CDH8: variants seen among roughly 807,000 people sequenced by gnomAD.
The protein encoded by CDH8 is cadherin 8.
In CDH8, 17 loss-of-function variants were observed where a neutral mutation model predicts 68.1. The observed-to-expected ratio is 0.25, with a 90% confidence interval of 0.17 to 0.37. The LOEUF (loss-of-function observed/expected upper bound fraction) is 0.37. CDH8 is among the 10% of genes least tolerant of loss of function. The probability of loss-of-function intolerance (pLI) is 1.00; values close to 1 mark genes in which losing one functional copy is unlikely to be tolerated. For synonymous variants in CDH8, 372 were observed against 365.1 expected (o/e 1.02, Z -0.21); for missense variants, 763 against 999.3 (o/e 0.76, Z 3.19).
intron 2 of CDH8, among the ~76,000 whole-genome samples, chr16:61,929,688 A>T (rs1362845573): frequency 6.6e-6 from 1 of 152,136 alleles, no homozygotes; most frequent in African/African-American, 2.4e-5. Flanking sequence ...GGAGTTGGAG[A>T]CCAGCCTGGG....
At chr16:61,854,686 A>T (rs1963008907) in intron 4 of CDH8, among the ~76,000 whole-genome samples, 1 of 152,142 alleles carries the variant, frequency 6.6e-6, no homozygotes, top group Admixed American at 6.6e-5. Flanking sequence ...TTTAAAATCT[A>T]AATGTTCAAG....
intron 2 of CDH8, among the ~76,000 whole-genome samples, chr16:61,942,131 A>AT (rs779857344): frequency 1.6e-4 from 24 of 151,940 alleles, no homozygotes; most frequent in Admixed American, 6.6e-5. Context: ...GATCATTTTG[A>AT]TTTTTTTTAA....
chr16:61,771,902 C>T (rs1186911131), intron 8 of CDH8, among the ~76,000 whole-genome samples: 1 of 151,830 alleles, frequency 6.6e-6, no homozygotes, highest in Non-Finnish European at 1.5e-5. Flanking sequence ...AAGTTTTTTC[C>T]TCCATACTTG....
chr16:61,724,579 T>C (rs1310599108), intron 9 of CDH8, among the ~76,000 whole-genome samples: 1 of 150,718 alleles, frequency 6.6e-6, no homozygotes, highest in African/African-American at 2.4e-5. Context: ...AGTTTAGCCT[T>C]AAATCCACAC....
chr16:61,942,270 A>T (rs1011260338), intron 2 of CDH8, among the ~76,000 whole-genome samples: 2 of 152,112 alleles, frequency 1.3e-5, no homozygotes, highest in African/African-American at 4.8e-5. Context: ...AGGTGAAAGG[A>T]TCACTTCTGC....
intron 10 of CDH8, among the ~76,000 whole-genome samples, chr16:61,706,434 G>A (rs907612049): frequency 4.0e-5 from 6 of 151,890 alleles, no homozygotes; most frequent in East Asian, 1.9e-4. Context: ...TGGCTAACAC[G>A]GTGAAACCTC....
intron 2 of CDH8, among the ~76,000 whole-genome samples, chr16:61,982,927 T>C (rs1446858667): frequency 6.6e-6 from 1 of 152,236 alleles, no homozygotes; most frequent in African/African-American, 2.4e-5. Flanking sequence ...ACTGCCATAA[T>C]AGTGTTTCTT....
chr16:61,718,269 C>A (rs1959194113), intron 9 of CDH8, among the ~76,000 whole-genome samples: 1 of 151,308 alleles, frequency 6.6e-6, no homozygotes, highest in East Asian at 2.0e-4. Context: ...AAAATGCACA[C>A]CAAGTGAACA....
intron 10 of CDH8, among the ~76,000 whole-genome samples, chr16:61,697,642 A>G (rs535780370): frequency 6.6e-6 from 1 of 152,176 alleles, no homozygotes; most frequent in Admixed American, 6.5e-5. Context: ...CTGGGATTGC[A>G]GGCCTGTGCC....
intron 10 of CDH8, among the ~76,000 whole-genome samples, chr16:61,681,971 C>G (rs1964020223): frequency 6.6e-6 from 1 of 151,944 alleles, no homozygotes; most frequent in Non-Finnish European, 1.5e-5. Flanking sequence ...TTCATTGAAT[C>G]TCTGGGAAAA....
intron 9 of CDH8, among the ~76,000 whole-genome samples, chr16:61,715,627 G>A (rs565782472): frequency 6.6e-6 from 1 of 151,610 alleles, no homozygotes; most frequent in South Asian, 2.1e-4. Context: ...TTTTATAAAT[G>A]TAACAACTCT....
At chr16:62,012,608 T>C (rs146395472) in intron 2 of CDH8, among the ~76,000 whole-genome samples, 3 of 152,334 alleles carry the variant, frequency 2.0e-5, no homozygotes, top group African/African-American at 7.2e-5. Context: ...TTTTTTCTCA[T>C]TTTATTAAGT....
At chr16:61,823,688 C>T (rs575634393) in intron 5 of CDH8, among the ~76,000 whole-genome samples, 1 of 152,010 alleles carries the variant, frequency 6.6e-6, no homozygotes, top group East Asian at 1.9e-4. Flanking sequence ...TTTAAATGGC[C>T]TCCTAATGAT....
chr16:61,871,129 A>AAC lies in CDH8; in HGVS notation c.548-13893_548-13892dup, dbSNP rs569789394. Among the ~76,000 whole-genome samples, 1,393 of 150,128 alleles carry AAC rather than the reference A, an allele frequency of 9.3e-3. 9 individuals carry two copies. The highest frequency in any genetic ancestry group is 0.022 in the South Asian group (106 of 4,740). On this transcript the variant is annotated intron_variant, in intron 3 of 11. Transcript: ENST00000577390. ...CCCCAATAATTAGTCCAGCCAGGAA[A>AAC]ACACACACACACACACACATACACA...
At chr16:61,658,075 C>A (rs1963485226) in intron 10 of CDH8, among the ~76,000 whole-genome samples, 1 of 152,116 alleles carries the variant, frequency 6.6e-6, no homozygotes, top group South Asian at 2.1e-4. Context: ...TTTACCTACT[C>A]ATCTATTTTT....
At chr16:61,757,557 G>T (rs1960354676) in intron 8 of CDH8, among the ~76,000 whole-genome samples, 1 of 152,154 alleles carries the variant, frequency 6.6e-6, no homozygotes, top group African/African-American at 2.4e-5. Flanking sequence ...CTGTTCTCTT[G>T]AATATAGGCT....
chr16:61,789,428 G>A lies in CDH8; in HGVS notation c.1332C>T (p.Asp444=), dbSNP rs780949375. 41 of 1,612,916 alleles carry A rather than the reference G, an allele frequency of 2.5e-5. No homozygotes were observed. The highest frequency in any genetic ancestry group is 2.0e-4 in the South Asian group (18 of 91,034). The change falls in exon 8 of 12, where the codon GAC becomes GAT. Residue 444 remains aspartate, a synonymous_variant. Transcript: ENST00000577390. ...DLERQFNINA[D]DGKITLATPL... ...GTGTTGCCAGCGTTATCTTCCCATC[G>A]TCTGCATTAATGTTGAACTGCCTCT...
chr16:61,953,897 AT>A (rs1964937027), intron 2 of CDH8, among the ~76,000 whole-genome samples: 1 of 10,920 alleles, frequency 9.2e-5, no homozygotes, highest in African/African-American at 2.0e-4. Flanking sequence ...AAAAAACTTT[AT>A]ATATATATAT....
At chr16:61,757,489 T>A (rs549421117) in intron 8 of CDH8, among the ~76,000 whole-genome samples, 9 of 152,228 alleles carry the variant, frequency 5.9e-5, no homozygotes, top group African/African-American at 2.2e-4. Context: ...CACAATCACA[T>A]ACTTTTAAAA....
Sources: gnomAD v4.1 joint callset for allele counts (sites outside exome capture counted in the v4.1 genomes callset) on GRCh38, gnomAD v4.1.1 for gene constraint, MANE v1.5 for transcripts, NCBI Gene and HGNC (gene_info 2026-07-23, HGNC 2026-07-21) for gene names.